Variants in ATRNL1 observed in about 807,000 individuals in gnomAD.
ATRNL1 encodes attractin like 1.
Under a neutral mutation model 182.7 loss-of-function variants are expected in ATRNL1, and 95 were observed. The ratio of observed to expected loss-of-function variants is 0.52; its 90% CI spans 0.44 to 0.62. The LOEUF (loss-of-function observed/expected upper bound fraction) is 0.62. Ranked by LOEUF, ATRNL1 falls within the 20% of genes least tolerant of loss-of-function variation. The probability of loss-of-function intolerance (pLI) is 0.00; values close to 1 mark genes in which losing one functional copy is unlikely to be tolerated. For missense variants in ATRNL1, 1,471 were observed against 1,679.5 expected, an observed-to-expected ratio of 0.88 and a Z score of 2.17; for synonymous variants, 576 against 568.3, an observed-to-expected ratio of 1.01 and a Z score of -0.19.
intron 15 of ATRNL1, among the ~76,000 whole-genome samples, chr10:115,294,314 C>A (rs899668426): frequency 2.6e-5 from 4 of 152,132 alleles, no homozygotes; most frequent in African/African-American, 4.8e-5. Context: ...AGCAAGATCC[C>A]ATCTCTGTTA....
At chr10:115,785,656 T>G (rs1664163381) in intron 27 of ATRNL1, among the ~76,000 whole-genome samples, 1 of 152,228 alleles carries the variant, frequency 6.6e-6, no homozygotes, top group Non-Finnish European at 1.5e-5. Flanking sequence ...GCTACAACCT[T>G]TGTGTTCTCT....
intron 26 of ATRNL1, among the ~76,000 whole-genome samples, chr10:115,676,515 T>C (rs12252772): frequency 0.012 from 1,758 of 151,954 alleles, 32 homozygotes; most frequent in African/African-American, 0.04. Flanking sequence ...TATATATAAT[T>C]TGGAGTGAGT....
chr10:115,801,989 C>T (rs1238335416), intron 27 of ATRNL1, among the ~76,000 whole-genome samples: 1 of 100,344 alleles, frequency 1.0e-5, no homozygotes, highest in Non-Finnish European at 2.2e-5. Context: ...CAAATGCTCC[C>T]CTATGGAAAA....
At chr10:115,273,660 T>G (rs1214572062) in intron 13 of ATRNL1, among the ~76,000 whole-genome samples, 1 of 152,232 alleles carries the variant, frequency 6.6e-6, no homozygotes, top group African/African-American at 2.4e-5. Context: ...TCAGCAGTCC[T>G]TTTTTGGGTG....
chr10:115,127,499 C>T, intron 3 of ATRNL1, 94 bp from the exon 4 acceptor site: 2 of 1,042,142 alleles, frequency 1.9e-6, no homozygotes, highest in South Asian at 3.4e-5. Context: ...ACAAGCATTA[C>T]TGATCCTGGT....
chr10:115,646,003 C>T (rs2133868285), intron 26 of ATRNL1, among the ~76,000 whole-genome samples: 1 of 148,322 alleles, frequency 6.7e-6, no homozygotes, highest in South Asian at 2.1e-4. Flanking sequence ...CCATTTCATC[C>T]TCTTTGGTAT....
intron 1 of ATRNL1, among the ~76,000 whole-genome samples, chr10:115,109,600 A>T (rs1844173678): frequency 6.6e-6 from 1 of 152,192 alleles, no homozygotes; most frequent in Admixed American, 6.5e-5. Flanking sequence ...ATCGGGGATT[A>T]AGTTTTCAAC....
chr10:115,533,404 T>A (rs1340934897), intron 25 of ATRNL1, among the ~76,000 whole-genome samples: 1 of 146,582 alleles, frequency 6.8e-6, no homozygotes, highest in African/African-American at 2.8e-5. Context: ...GTGTTTGTAG[T>A]ATTCTCTGAT....
intron 1 of ATRNL1, among the ~76,000 whole-genome samples, chr10:115,106,874 T>C (rs1317404278): frequency 6.6e-6 from 1 of 152,102 alleles, no homozygotes; most frequent in Non-Finnish European, 1.5e-5. Context: ...TTATAATGAA[T>C]AGAGATATAT....
chr10:115,864,709 G>A (rs782640599), intron 28 of ATRNL1, among the ~76,000 whole-genome samples: 7 of 152,150 alleles, frequency 4.6e-5, no homozygotes, highest in East Asian at 1.9e-4. Flanking sequence ...GAGGCCGGGC[G>A]CGGTGGCTCA....
intron 26 of ATRNL1, among the ~76,000 whole-genome samples, chr10:115,720,001 A>G (rs1947373400): frequency 6.6e-6 from 1 of 151,676 alleles, no homozygotes; most frequent in African/African-American, 2.4e-5. Flanking sequence ...CTGGGATTAC[A>G]GGTGTGCGCC....
intron 8 of ATRNL1, among the ~76,000 whole-genome samples, chr10:115,181,187 T>C (rs1380444014): frequency 2.6e-5 from 4 of 151,866 alleles, no homozygotes; most frequent in African/African-American, 9.7e-5. Context: ...GGTAGGAATA[T>C]GTGTAGACAA....
intron 13 of ATRNL1, among the ~76,000 whole-genome samples, chr10:115,278,639 T>C (rs1470475758): frequency 6.6e-6 from 1 of 152,198 alleles, no homozygotes; most frequent in East Asian, 1.9e-4. Context: ...TCAAATTATG[T>C]TGCAGTTTGT....
intron 25 of ATRNL1, among the ~76,000 whole-genome samples, chr10:115,530,396 C>T (rs544459915): frequency 4.2e-4 from 64 of 152,072 alleles, no homozygotes; most frequent in East Asian, 3.3e-3. Flanking sequence ...TATTAACTGC[C>T]TTTCTTATAG....
At chr10:115,360,358 G>A (rs1856685510) in intron 19 of ATRNL1, among the ~76,000 whole-genome samples, 1 of 151,620 alleles carries the variant, frequency 6.6e-6, no homozygotes, top group African/African-American at 2.4e-5. Flanking sequence ...ATGTGAAAGA[G>A]CTATAAAGAA....
chr10:115,377,249 T>C (rs1857727120), intron 19 of ATRNL1, among the ~76,000 whole-genome samples: 2 of 152,182 alleles, frequency 1.3e-5, no homozygotes, highest in African/African-American at 4.8e-5. Flanking sequence ...CGGCAGTTTT[T>C]CCCATACTGT....
chr10:115,781,609 G>A (rs2134190414), intron 27 of ATRNL1, among the ~76,000 whole-genome samples: 1 of 152,316 alleles, frequency 6.6e-6, no homozygotes, highest in African/African-American at 2.4e-5. Flanking sequence ...TAACAGGAAA[G>A]ACTCATCTAT....
intron 27 of ATRNL1, among the ~76,000 whole-genome samples, chr10:115,743,828 C>G (rs1948213037): frequency 6.6e-6 from 1 of 151,396 alleles, no homozygotes; most frequent in Non-Finnish European, 1.5e-5. Flanking sequence ...GTAACTCAGA[C>G]TTAAAAAAAT....
At chr10:115,828,584 C>A (rs1950491341) in intron 27 of ATRNL1, among the ~76,000 whole-genome samples, 1 of 152,100 alleles carries the variant, frequency 6.6e-6, no homozygotes, top group South Asian at 2.1e-4. Flanking sequence ...AGTTGTCTAC[C>A]TGTTTTTGTT....
Sources: gnomAD v4.1 joint callset for allele counts (sites outside exome capture counted in the v4.1 genomes callset) on GRCh38, gnomAD v4.1.1 for gene constraint, MANE v1.5 for transcripts, NCBI Gene and HGNC (gene_info 2026-07-23, HGNC 2026-07-21) for gene names.